Variants in PRDM5 observed in about 807,000 individuals in gnomAD.
PRDM5 encodes PR/SET domain 5.
PRDM5 carries 56 observed loss-of-function variants against 81.2 expected under a neutral mutation model. That is an observed-to-expected ratio of 0.69 (90% CI 0.56 to 0.86). The LOEUF (loss-of-function observed/expected upper bound fraction) is 0.86, where lower values mean the gene tolerates loss of function less well. Among genes scored for constraint, PRDM5 ranks in the 40% least tolerant of loss-of-function variants. The pLI is 0.00. For synonymous variants in PRDM5, 267 were observed against 256.4 expected, an observed-to-expected ratio of 1.04 and a Z score of -0.39; for missense variants, 697 against 770.1, an observed-to-expected ratio of 0.91 and a Z score of 1.12.
At chr4:120,848,469 T>C (rs1259236274) in intron 3 of PRDM5, among the ~76,000 whole-genome samples, 2 of 152,198 alleles carry the variant, frequency 1.3e-5, no homozygotes, top group Non-Finnish European at 2.9e-5. Context: ...GCAAGTTACT[T>C]AGATGCTCTT....
chr4:120,911,581 G>A (rs924066330), intron 1 of PRDM5, among the ~76,000 whole-genome samples: 4 of 152,148 alleles, frequency 2.6e-5, no homozygotes, highest in Non-Finnish European at 5.9e-5. Flanking sequence ...CTCTCATTTT[G>A]CTGAATGTTA....
At chr4:120,698,513 C>T (rs749800014) in intron 15 of PRDM5, among the ~76,000 whole-genome samples, 5 of 152,164 alleles carry the variant, frequency 3.3e-5, no homozygotes, top group Non-Finnish European at 7.3e-5. Flanking sequence ...TGATCTTAAT[C>T]GTATTCATAC....
At chr4:120,907,107 G>A (rs1051577913) in intron 2 of PRDM5, among the ~76,000 whole-genome samples, 6 of 151,830 alleles carry the variant, frequency 4.0e-5, no homozygotes, top group Admixed American at 3.3e-4. Flanking sequence ...GGCCGAGACG[G>A]GTAGATCACC....
chr4:120,782,409 G>A (rs1488581980), intron 11 of PRDM5, among the ~76,000 whole-genome samples: 2 of 151,934 alleles, frequency 1.3e-5, no homozygotes, highest in South Asian at 2.1e-4. Context: ...TTAGAAATAT[G>A]AAGACTCTAT....
In PRDM5 at chr4:120,818,418, C is replaced by G. The variant is rs1214757795; in HGVS notation, c.585G>C (p.Glu195Asp). ...AGTTCTTGCACTTAAATTCTTTCTC[C>G]TCTGTGGGTTTCTGGTGCAATGTCT... Reference protein sequence around the residue: ...HLQTLHQKPTEEKEFKCKNCG... With the variant: ...HLQTLHQKPTDEKEFKCKNCG... The change falls in exon 5 of 16, where the codon GAG becomes GAC. Residue 195 changes from glutamate (E) to aspartate (D), a missense_variant. Around this residue, in one of 3 missense-constraint regions of PRDM5, gnomAD observed 577 missense variants for 606.7 expected, o/e 0.95. Coordinates refer to ENST00000264808, the MANE Select transcript of PRDM5 (RefSeq NM_018699.4). 4 of 1,614,040 alleles carry G rather than the reference C, an allele frequency of 2.5e-6. No individual in the cohort carries two copies. In the South Asian group the frequency reaches 4.4e-5, roughly 18 times the overall value.
intron 2 of PRDM5, among the ~76,000 whole-genome samples, chr4:120,890,023 T>C (rs1763874552): frequency 6.6e-6 from 1 of 152,206 alleles, no homozygotes; most frequent in South Asian, 2.1e-4. Context: ...CATGCATCTT[T>C]AAGGTATAAT....
chr4:120,774,880 C>G (rs28468534), intron 13 of PRDM5, among the ~76,000 whole-genome samples: 2 of 105,070 alleles, frequency 1.9e-5, no homozygotes, highest in Admixed American at 9.9e-5. Context: ...CTCTCTCTCT[C>G]TCTCTTTCTA....
chr4:120,856,005 T>A (rs540372828), intron 2 of PRDM5, among the ~76,000 whole-genome samples: 9 of 152,234 alleles, frequency 5.9e-5, no homozygotes, highest in Non-Finnish European at 1.2e-4. Flanking sequence ...AAGAAATATT[T>A]CTCTGTGACT....
Position 120,692,688 on chromosome 4 carries a change from T to G in PRDM5, c.*2423A>C, listed in dbSNP as rs1456127557. ...ATTTCTAAGTCTCAATTACTTAGAC[T>G]TTATAGGCACCTAAGGGTCTGGTCT... is the stretch of plus-strand genomic sequence containing the variant. On this transcript the variant is annotated 3_prime_UTR_variant, in exon 16 of 16. Transcript: ENST00000264808. The G allele has an allele frequency of 2.0e-5, 3 of 152,104 alleles. No homozygotes were observed. Among genetic ancestry groups the G allele is most frequent in the Non-Finnish European group, 4.4e-5 (3 of 67,996 alleles). 9.4% of individuals were successfully genotyped at this position (152,104 alleles called of 1,614,324 possible). A position where few individuals can be genotyped will look rare whatever the true frequency, so the allele number is the denominator to read the frequency against.
chr4:120,864,729 A>T (rs955734651), intron 2 of PRDM5, among the ~76,000 whole-genome samples: 1 of 152,206 alleles, frequency 6.6e-6, no homozygotes, highest in Non-Finnish European at 1.5e-5. Flanking sequence ...TTTTATTCAT[A>T]AAAATAAGAA....
intron 3 of PRDM5, chr4:120,838,082 T>G (rs1048967734): frequency 6.6e-6 from 1 of 152,228 alleles, no homozygotes; most frequent in African/African-American, 2.4e-5. Context: ...ATAATGATTC[T>G]TATATCTACT....
chr4:120,821,120 C>T (rs753803164), intron 4 of PRDM5, 51 bp downstream of exon 4: 1 of 1,585,458 alleles, frequency 6.3e-7, no homozygotes, highest in Non-Finnish European at 8.7e-7. Context: ...TTAAACTACA[C>T]TTTTTTCTAC....
chr4:120,769,020 G>T (rs1054156391), intron 13 of PRDM5, among the ~76,000 whole-genome samples: 5 of 152,280 alleles, frequency 3.3e-5, no homozygotes, highest in South Asian at 4.1e-4. Context: ...TTTAATGCCA[G>T]CACTTCTCAA....
intron 8 of PRDM5, among the ~76,000 whole-genome samples, chr4:120,801,728 G>A (rs1285070025): frequency 6.6e-6 from 1 of 152,178 alleles, no homozygotes; most frequent in African/African-American, 2.4e-5. Flanking sequence ...CTTCCAGCCT[G>A]AGGCATGTTA....
intron 3 of PRDM5, among the ~76,000 whole-genome samples, chr4:120,833,518 G>GA (rs965917890): frequency 6.1e-4 from 92 of 150,324 alleles, no homozygotes; most frequent in Non-Finnish European, 1.1e-3. Context: ...AATTAGGAAA[G>GA]AAAAAAAAAC....
rs70948364 is a variant in PRDM5 at position 120,794,514 on chromosome 4, AACACACACACACACAC to A, written c.1188+3737_1188+3752del. ...ATAAATAATTCTGACTCCAAAATCT[AACACACACACACACAC>A]ACACACACACACACACACACACACA... On this transcript the variant is annotated intron_variant, in intron 10 of 15. Coordinates refer to ENST00000264808, the MANE Select transcript of PRDM5 (RefSeq NM_018699.4). 8.2e-4 allele frequency among the ~76,000 whole-genome samples: 118 copies of A among 143,690 alleles called. 1 individual carries two copies. Among genetic ancestry groups the A allele is most frequent in the East Asian group, 3.5e-3 (17 of 4,886 alleles). The allele number at this position is 143,690 out of a possible 152,430, so 94.3% of individuals were successfully genotyped here. A position where few individuals can be genotyped will look rare whatever the true frequency, so the allele number is the denominator to read the frequency against.
chr4:120,866,650 G>A (rs1761227044), intron 2 of PRDM5, among the ~76,000 whole-genome samples: 1 of 152,208 alleles, frequency 6.6e-6, no homozygotes, highest in African/African-American at 2.4e-5. Context: ...TTTCACAGCT[G>A]TTACTGGAGC....
At chr4:120,918,974 G>T (rs1448014532) in intron 1 of PRDM5, among the ~76,000 whole-genome samples, 1 of 152,166 alleles carries the variant, frequency 6.6e-6, no homozygotes, top group Non-Finnish European at 1.5e-5. Flanking sequence ...CACAGGCTGG[G>T]AAGCATGCCT....
At chr4:120,821,743 T>TA (rs35419987) in intron 3 of PRDM5, among the ~76,000 whole-genome samples, 30,790 of 138,106 alleles carry the variant, frequency 0.22, 3,195 homozygotes, top group Middle Eastern at 0.26. Context: ...ACACAAAACT[T>TA]AAAAAAAAAA....
Sources: gnomAD v4.1 joint callset for allele counts (sites outside exome capture counted in the v4.1 genomes callset) on GRCh38, gnomAD v4.1.1 for gene constraint, gnomAD v4.1.1 regional missense constraint, MANE v1.5 for transcripts, NCBI Gene and HGNC (gene_info 2026-07-23, HGNC 2026-07-21) for gene names.